BCKDHB: variants seen among roughly 807,000 people sequenced by gnomAD.
BCKDHB encodes 2-oxoisovalerate dehydrogenase subunit beta, mitochondrial.
BCKDHB carries 41 observed loss-of-function variants against 48.5 expected under a neutral mutation model. The ratio of observed to expected loss-of-function variants is 0.85; its 90% CI spans 0.66 to 1.10. The LOEUF is 1.10. Among genes scored for constraint, BCKDHB ranks in the 50% least tolerant of loss-of-function variants. BCKDHB has a pLI of 0.00. For synonymous variants in BCKDHB, 201 were observed against 174.8 expected, an observed-to-expected ratio of 1.15 and a Z score of -1.18; for missense variants, 496 against 494.2, an observed-to-expected ratio of 1.00 and a Z score of -0.03.
At chr6:80,117,670 A>G (rs1000648934) in intron 1 of BCKDHB, among the ~76,000 whole-genome samples, 3 of 152,270 alleles carry the variant, frequency 2.0e-5, no homozygotes, top group African/African-American at 7.2e-5. Context: ...AAACAATAGC[A>G]TGAGCGATCT....
chr6:80,148,156 C>T (rs1481450869), intron 3 of BCKDHB, among the ~76,000 whole-genome samples: 1 of 152,112 alleles, frequency 6.6e-6, no homozygotes, highest in Non-Finnish European at 1.5e-5. Context: ...TGATTATACT[C>T]TGTATCCCAG....
chr6:80,177,717 G>A (rs937113213), intron 6 of BCKDHB, among the ~76,000 whole-genome samples: 1 of 152,110 alleles, frequency 6.6e-6, no homozygotes, highest in African/African-American at 2.4e-5. Context: ...AGGTAGAGAT[G>A]TTATTTTCTC....
chr6:80,308,859 G>T (rs1768012872), intron 9 of BCKDHB, among the ~76,000 whole-genome samples: 1 of 151,926 alleles, frequency 6.6e-6, no homozygotes, highest in African/African-American at 2.4e-5. Context: ...TGGGTTACAG[G>T]TGTCAGCCAC....
At chr6:80,193,300 G>T (rs1172004886) in intron 6 of BCKDHB, among the ~76,000 whole-genome samples, 2 of 152,006 alleles carry the variant, frequency 1.3e-5, no homozygotes, top group African/African-American at 2.4e-5. Flanking sequence ...AAAATAACAG[G>T]TGATTTTTTT....
chr6:80,307,892 C>A (rs1471418108), intron 9 of BCKDHB: 5 of 972,040 alleles, frequency 5.1e-6, no homozygotes, highest in Non-Finnish European at 6.1e-6. Context: ...AAATTAAAAA[C>A]ATAAAAATTA....
chr6:80,443,793 C>T, the BCKDHB span, among the ~76,000 whole-genome samples: 1 of 152,014 alleles, frequency 6.6e-6, no homozygotes, highest in Admixed American at 6.6e-5. Context: ...ACAGGCTATT[C>T]ACCACAAATT....
At chr6:80,336,086 A>G (rs888260852) in intron 9 of BCKDHB, among the ~76,000 whole-genome samples, 1 of 152,014 alleles carries the variant, frequency 6.6e-6, no homozygotes, top group Non-Finnish European at 1.5e-5. Flanking sequence ...TTATAAAGCT[A>G]TAGTTTTGAG....
the BCKDHB span, among the ~76,000 whole-genome samples, chr6:80,410,499 G>T: frequency 3.3e-5 from 5 of 152,100 alleles, no homozygotes; most frequent in African/African-American, 1.2e-4. Context: ...GGCCTGCCCT[G>T]CTAGTTTGGA....
At chr6:80,411,960 G>A in the BCKDHB span, among the ~76,000 whole-genome samples, 1 of 152,176 alleles carries the variant, frequency 6.6e-6, no homozygotes, top group Non-Finnish European at 1.5e-5. Flanking sequence ...TCTGTGGGCT[G>A]CACCCACTGT....
intron 5 of BCKDHB, among the ~76,000 whole-genome samples, chr6:80,169,373 C>T (rs1772776402): frequency 6.6e-6 from 1 of 152,164 alleles, no homozygotes. Context: ...TCTCACTTAA[C>T]TGATGATGGG....
chr6:80,178,644 A>G (rs901282210), intron 6 of BCKDHB, among the ~76,000 whole-genome samples: 1 of 152,162 alleles, frequency 6.6e-6, no homozygotes, highest in Non-Finnish European at 1.5e-5. Flanking sequence ...CATGGGGACT[A>G]TGTCATTTAA....
chr6:80,158,176 CATT>C (rs1582254335), intron 3 of BCKDHB, among the ~76,000 whole-genome samples: 1 of 152,178 alleles, frequency 6.6e-6, no homozygotes, highest in Non-Finnish European at 1.5e-5. Flanking sequence ...TGTGTGTTGA[CATT>C]GTTGTATCTA....
At chr6:80,133,179 C>A (rs1419199772) in intron 3 of BCKDHB, among the ~76,000 whole-genome samples, 2 of 152,152 alleles carry the variant, frequency 1.3e-5, no homozygotes, top group African/African-American at 2.4e-5. Flanking sequence ...TGGCATTGTG[C>A]CAGCACTTGA....
chr6:80,252,073 A>T lies in BCKDHB; in HGVS notation c.952-21062A>T, dbSNP rs145431436. 4.4e-3 allele frequency among the ~76,000 whole-genome samples: 673 copies of T among 152,296 alleles called. 1 individual carries two copies. The highest frequency in any genetic ancestry group is 7.3e-3 in the Admixed American group (111 of 15,280). On this transcript the variant is annotated intron_variant, in intron 8 of 9. Coordinates refer to ENST00000320393, the MANE Select transcript of BCKDHB (RefSeq NM_183050.4). ...TATTTCATTTAAGCATCCCAACTTTACTACTTGGTTGGGTGTTATTACTTC... is the reference window on the plus strand; with the variant it reads ...TATTTCATTTAAGCATCCCAACTTTTCTACTTGGTTGGGTGTTATTACTTC...
At chr6:80,427,350 G>A in the BCKDHB span, among the ~76,000 whole-genome samples, 6 of 152,064 alleles carry the variant, frequency 3.9e-5, no homozygotes, top group African/African-American at 1.2e-4. Context: ...TATAGTGTAA[G>A]AATATTATAG....
At chr6:80,281,879 C>G (rs763041685) in intron 9 of BCKDHB, among the ~76,000 whole-genome samples, 1 of 151,528 alleles carries the variant, frequency 6.6e-6, no homozygotes, top group East Asian at 1.9e-4. Context: ...AAAAGAAAAC[C>G]ACTAAATCTA....
the BCKDHB span, among the ~76,000 whole-genome samples, chr6:80,377,677 T>A: frequency 6.6e-6 from 1 of 152,350 alleles, no homozygotes; most frequent in Admixed American, 6.5e-5. Flanking sequence ...TCAAAGTTAT[T>A]CCGTTAGTCT....
intron 9 of BCKDHB, among the ~76,000 whole-genome samples, chr6:80,316,578 G>A (rs990190450): frequency 1.3e-5 from 2 of 152,080 alleles, no homozygotes; most frequent in Non-Finnish European, 2.9e-5. Context: ...CTTAATAAAT[G>A]GAGAAAATTA....
the BCKDHB span, chr6:80,374,302 A>G: frequency 2.1e-6 from 2 of 951,194 alleles, no homozygotes; most frequent in East Asian, 2.4e-5. Flanking sequence ...TGCAGCAAAA[A>G]TTCAGCACTC....
Sources: allele counts gnomAD v4.1 joint callset (sites outside exome capture counted in the v4.1 genomes callset), GRCh38; gene constraint gnomAD v4.1.1; transcripts MANE v1.5; gene names NCBI Gene and HGNC (gene_info 2026-07-23, HGNC 2026-07-21).